TAF1: variants seen among roughly 807,000 people sequenced by gnomAD.
The protein encoded by TAF1 is TATA-box binding protein associated factor 1, also known as transcription initiation factor TFIID subunit 1.
A neutral mutation model predicts 138.5 loss-of-function variants in TAF1; 2 were observed. The ratio of observed to expected loss-of-function variants is 0.01; its 90% confidence interval spans 0.01 to 0.05. The LOEUF (loss-of-function observed/expected upper bound fraction) is 0.05. Ranked by LOEUF, TAF1 falls within the 10% of genes least tolerant of loss-of-function variation. The pLI is 1.00. For missense variants in TAF1, 709 were observed against 1,478.0 expected, an observed-to-expected ratio of 0.48 and a Z score of 8.53; for synonymous variants, 437 against 503.2, an observed-to-expected ratio of 0.87 and a Z score of 1.76.
chrX:71,406,353 G>A (rs764081947), intron 25 of TAF1, among the ~76,000 whole-genome samples: 1 of 106,113 alleles, frequency 9.4e-6, no homozygotes, highest in Non-Finnish European at 1.9e-5. Context: ...AAAAGAGAAT[G>A]TTGGAACTAG....
intron 32 of TAF1, among the ~76,000 whole-genome samples, chrX:71,428,074 G>A (rs1380525511): frequency 1.1e-5 from 1 of 94,387 alleles, no homozygotes; most frequent in Non-Finnish European, 2.1e-5. Context: ...AGAGTGCAGT[G>A]GCGCGATCTT....
At chrX:71,513,963 A>G (rs1439299704) in intron 13 of TAF1, among the ~76,000 whole-genome samples, 1 of 111,549 alleles carries the variant, frequency 9.0e-6, no homozygotes. Flanking sequence ...GGTGGGGACA[A>G]ATAAGGGAAT....
At position 71,488,339 on chromosome X, in the gene TAF1, G is replaced by A. The variant is rs184231682; in HGVS notation, c.1366+27536G>A. Among the ~76,000 whole-genome samples the A allele has an allele frequency of 4.3e-3, 456 of 106,056 alleles. 1 individual carries two copies. The highest frequency in any genetic ancestry group is 0.015 in the African/African-American group (434 of 29,004). 92.1% of individuals were successfully genotyped at this position (106,056 alleles called of 115,157 possible). Reference sequence around the variant, plus strand: ...GCTCACTGCAACCTCCACCTCCCGGGTTCAAGCGATTCTCCTGCCTTGGCC... The same window carrying A: ...GCTCACTGCAACCTCCACCTCCCGGATTCAAGCGATTCTCCTGCCTTGGCC... On this transcript the variant is annotated intron_variant and NMD_transcript_variant, in intron 13 of 14. Coordinates refer to the TAF1 transcript ENST00000373775.
At chrX:71,376,446 AT>A (rs1168075633) in intron 4 of TAF1, among the ~76,000 whole-genome samples, 1 of 110,568 alleles carries the variant, frequency 9.0e-6, no homozygotes, top group Non-Finnish European at 1.9e-5. Context: ...GAGGCAGATG[AT>A]TTGAGGTCAG....
rs1206125980 is a variant in TAF1, at chrX:71,377,201, G to A, written c.714+10G>A. 1 of 1,210,500 alleles carries A rather than the reference G, an allele frequency of 8.3e-7. No individual in the cohort carries two copies. ...ATTTCGACCTGGAAAGGTACATTCT[G>A]TGGAGAATGCTCAGATTGCAAACCA... On this transcript the variant is annotated intron_variant, in intron 5 of 37. Transcript: ENST00000423759.
intron 32 of TAF1, among the ~76,000 whole-genome samples, chrX:71,452,621 C>T (rs866717091): frequency 7.9e-4 from 88 of 111,244 alleles, no homozygotes; most frequent in Middle Eastern, 9.2e-3. Flanking sequence ...AGACGATGGG[C>T]GGCCAGGCAG....
chrX:71,452,474 A>G lies in TAF1; in HGVS notation c.4754-1696A>G, dbSNP rs1347774673. Among the ~76,000 whole-genome samples, 7 of 109,568 alleles carry G rather than the reference A, an allele frequency of 6.4e-5. No individual in the cohort carries two copies. In the East Asian group the frequency reaches 2.1e-3, roughly 32 times the overall value. ...CATCTCAGACGATGGGCGGCTGGGC[A>G]GAGACGCTCCTCACTTCCTAGATGG... On this transcript the variant is annotated intron_variant, in intron 32 of 37. Coordinates refer to ENST00000423759, the MANE Select transcript of TAF1 (RefSeq NM_004606.5).
chrX:71,398,860 A>C, intron 24 of TAF1, 123 bp downstream of exon 24: 1 of 982,827 alleles, frequency 1.0e-6, no homozygotes, highest in Non-Finnish European at 1.3e-6. Context: ...AGCTGGTTTG[A>C]ATTGATGTGA....
chrX:71,379,888 C>T (rs1179644817), intron 8 of TAF1, among the ~76,000 whole-genome samples: 1 of 111,947 alleles, frequency 8.9e-6, no homozygotes, highest in Non-Finnish European at 1.9e-5. Context: ...AGGCATGAGC[C>T]ACCACGCCTG....
intron 13 of TAF1, among the ~76,000 whole-genome samples, chrX:71,490,898 G>A (rs1244355677): frequency 1.8e-5 from 2 of 109,551 alleles, no homozygotes; most frequent in Non-Finnish European, 3.8e-5. Flanking sequence ...TGTATTTTTA[G>A]TAGAGATGGG....
chrX:71,501,897 AG>A (rs2039516364), intron 13 of TAF1, among the ~76,000 whole-genome samples: 2 of 111,696 alleles, frequency 1.8e-5, no homozygotes, highest in Non-Finnish European at 3.8e-5. Flanking sequence ...GCTTGACAAT[AG>A]TCCCATCTGG....
intron 13 of TAF1, among the ~76,000 whole-genome samples, chrX:71,473,033 T>C (rs970702958): frequency 8.9e-6 from 1 of 112,384 alleles, no homozygotes; most frequent in Admixed American, 9.5e-5. Flanking sequence ...TTTTTGTTGC[T>C]CATTTTCACT....
At chrX:71,473,412 C>G (rs969251589) in intron 13 of TAF1, among the ~76,000 whole-genome samples, 1 of 110,970 alleles carries the variant, frequency 9.0e-6, no homozygotes. Flanking sequence ...TGACTCTTGC[C>G]TGTAATACCG....
chrX:71,393,764 G>T (rs1262255274), intron 21 of TAF1, among the ~76,000 whole-genome samples: 1 of 111,855 alleles, frequency 8.9e-6, no homozygotes, highest in Non-Finnish European at 1.9e-5. Flanking sequence ...GGTAGCAGGT[G>T]ACAGGTAGGG....
intron 13 of TAF1, among the ~76,000 whole-genome samples, chrX:71,487,720 A>G (rs959471841): frequency 8.9e-6 from 1 of 111,860 alleles, no homozygotes; most frequent in Non-Finnish European, 1.9e-5. Flanking sequence ...AACATGCTCA[A>G]TTTTTCCTCC....
chrX:71,424,241 G>A lies in TAF1; in HGVS notation c.4753+3G>A. Reference sequence around the variant, plus strand: ...GGCCAACAGTGTTAAGTATAATGGTGGGTATTTCTCATTATTTTCTTTCCA... The same window carrying A: ...GGCCAACAGTGTTAAGTATAATGGTAGGTATTTCTCATTATTTTCTTTCCA... On this transcript the variant is annotated splice_donor_region_variant and intron_variant, in intron 32 of 37. Coordinates refer to ENST00000423759, the MANE Select transcript of TAF1 (RefSeq NM_004606.5). The A allele has an allele frequency of 2.6e-6, 3 of 1,171,968 alleles. No individual in the cohort carries two copies. Among genetic ancestry groups the A allele is most frequent in the Middle Eastern group, 2.4e-4 (1 of 4,240 alleles).
At position 71,460,713 on chromosome X, in the gene TAF1, C is replaced by G; in HGVS notation, c.5309C>G (p.Thr1770Arg). 8.3e-7 allele frequency: 1 copy of G among 1,209,528 alleles called. No individual in the cohort carries two copies. The highest frequency in any genetic ancestry group is 1.1e-6 in the Non-Finnish European group (1 of 894,436). The part of the protein sequence containing the change: ...PKQPRMLQEN[T>R]RMDMENEESM... ...CAACCCCGCATGCTTCAGGAGAACA[C>G]AAGGATGGACATGGAAAATGAAGAA... Residue 1770 changes from threonine (T) to arginine (R), a missense_variant, in exon 37 of 38, where the codon ACA becomes AGA. Transcript: ENST00000423759.
chrX:71,460,782 G>T lies in TAF1; in HGVS notation c.5378G>T (p.Gly1793Val), dbSNP rs1344681270. 1 of 1,191,466 alleles carries T rather than the reference G, an allele frequency of 8.4e-7. No homozygotes were observed. Among genetic ancestry groups the T allele is most frequent in the Non-Finnish European group, 1.1e-6 (1 of 884,639 alleles). Residue 1793 changes from glycine (G) to valine (V), a missense_variant, in exon 37 of 38, where the codon GGT becomes GTT. By Grantham distance (109) the Gly-to-Val change is moderately radical. This residue lies in a region of TAF1 where 123 missense variants were observed against 174.7 expected (regional missense o/e 0.70). Coordinates refer to ENST00000423759, the MANE Select transcript of TAF1 (RefSeq NM_004606.5). Reference protein sequence around the residue: ...YEGDGGEASHGLEDSNISYGS... With the variant: ...YEGDGGEASHVLEDSNISYGS... ...GGAGACGGTGGGGAGGCTTCCCATGGTTTGGAGGATAGCAACATCAGGTAA... is the reference window on the plus strand; with the variant it reads ...GGAGACGGTGGGGAGGCTTCCCATGTTTTGGAGGATAGCAACATCAGGTAA...
chrX:71,490,485 G>A, intron 13 of TAF1, among the ~76,000 whole-genome samples: 1 of 109,983 alleles, frequency 9.1e-6, no homozygotes, highest in Middle Eastern at 4.7e-3. Flanking sequence ...GGAGTGCAGT[G>A]GCGCGATCTC....
Sources: allele counts gnomAD v4.1 joint callset (sites outside exome capture counted in the v4.1 genomes callset), GRCh38; gene constraint gnomAD v4.1.1; regional missense constraint gnomAD v4.1.1; transcripts MANE v1.5; gene names NCBI Gene and HGNC (gene_info 2026-07-23, HGNC 2026-07-21).